The following PCCA variants were observed in gnomAD, a reference collection of about 807,000 sequenced individuals.
PCCA encodes the protein propionyl-CoA carboxylase alpha chain, mitochondrial.
A neutral mutation model predicts 101.3 loss-of-function variants in PCCA; 74 were observed. That is an observed-to-expected ratio of 0.73 (90% CI 0.61 to 0.89). The LOEUF is 0.89. Among genes scored for constraint, PCCA ranks in the 40% least tolerant of loss-of-function variants. The pLI, the probability that PCCA is intolerant of heterozygous loss-of-function variation, is 0.00. For synonymous variants in PCCA, 294 were observed against 313.6 expected, an observed-to-expected ratio of 0.94 and a Z score of 0.66; for missense variants, 891 against 907.0, an observed-to-expected ratio of 0.98 and a Z score of 0.23.
intron 21 of PCCA, among the ~76,000 whole-genome samples, chr13:100,451,753 T>G (rs1474888657): frequency 1.1e-5 from 1 of 88,230 alleles, no homozygotes; most frequent in Middle Eastern, 7.4e-3. Context: ...CTCCTTCCTC[T>G]CCCTCTCTGT....
chr13:100,312,061 G>A (rs2066960120), intron 16 of PCCA, among the ~76,000 whole-genome samples: 1 of 152,154 alleles, frequency 6.6e-6, no homozygotes, highest in Non-Finnish European at 1.5e-5. Context: ...TTGTTTGTAT[G>A]CATATTGCTG....
chr13:100,163,986 C>T (rs909688724), intron 6 of PCCA, among the ~76,000 whole-genome samples: 4 of 85,266 alleles, frequency 4.7e-5, no homozygotes, highest in South Asian at 5.9e-4. Context: ...AGAAATTTTG[C>T]GATCATATAG....
At chr13:100,125,010 A>C (rs1032430366) in intron 4 of PCCA, among the ~76,000 whole-genome samples, 1 of 152,134 alleles carries the variant, frequency 6.6e-6, no homozygotes, top group Admixed American at 6.6e-5. Context: ...ATTTCACAAA[A>C]ATTGTTAATG....
At chr13:100,165,159 C>T (rs2054897172) in intron 6 of PCCA, among the ~76,000 whole-genome samples, 1 of 152,002 alleles carries the variant, frequency 6.6e-6, no homozygotes, top group African/African-American at 2.4e-5. Context: ...TGTTTGGGTC[C>T]CTGCTTTTGC....
chr13:100,496,513 G>A (rs183426605), intron 21 of PCCA, among the ~76,000 whole-genome samples: 96 of 151,758 alleles, frequency 6.3e-4, no homozygotes, highest in Admixed American at 1.6e-3. Context: ...GTGCTGCTGC[G>A]TTGTCCTCGT....
At chr13:100,337,591 A>G (rs1025279350) in intron 17 of PCCA, among the ~76,000 whole-genome samples, 3 of 152,210 alleles carry the variant, frequency 2.0e-5, no homozygotes. Flanking sequence ...GAAGTGGAAT[A>G]TCAGTAAAAT....
At chr13:100,209,912 G>A (rs1185597213) in intron 7 of PCCA, among the ~76,000 whole-genome samples, 2 of 151,834 alleles carry the variant, frequency 1.3e-5, no homozygotes, top group Non-Finnish European at 2.9e-5. Context: ...GATTACAGGC[G>A]TGAGTCACTG....
chr13:100,144,455 A>G (rs2052289272), intron 4 of PCCA, among the ~76,000 whole-genome samples: 1 of 152,210 alleles, frequency 6.6e-6, no homozygotes, highest in Non-Finnish European at 1.5e-5. Flanking sequence ...TGGCTGTAGT[A>G]ATTTAGGACT....
rs61170443 is a variant in PCCA at position 100,177,149 on chromosome 13, A to G, written c.468+19809A>G. 4.0e-3 allele frequency among the ~76,000 whole-genome samples: 605 copies of G among 152,302 alleles called. 5 individuals carry two copies. The highest frequency in any genetic ancestry group is 0.014 in the African/African-American group (577 of 41,558). ...TTAATTGGTGTTTTATTTTCTTCCA[A>G]GTCAGTAAAAATTCAGTAAGACATG... On this transcript the variant is annotated intron_variant, in intron 6 of 23. Coordinates refer to ENST00000376285, the MANE Select transcript of PCCA (RefSeq NM_000282.4).
chr13:100,137,677 G>A (rs2051345406), intron 4 of PCCA, among the ~76,000 whole-genome samples: 1 of 151,824 alleles, frequency 6.6e-6, no homozygotes. Flanking sequence ...CTTGATGTTT[G>A]CATCGTATTT....
At position 100,376,309 on chromosome 13, in the gene PCCA, G is replaced by C. The variant is rs184846718; in HGVS notation, c.1746+7735G>C. On this transcript the variant is annotated intron_variant, in intron 19 of 23. Coordinates refer to ENST00000376285, the MANE Select transcript of PCCA (RefSeq NM_000282.4). Reference sequence around the variant, plus strand: ...AATCCCTGCGGGGGGGTGTCTCCCAGTCAGGAGGCATTGGGGTAAGGGACC... The same window carrying C: ...AATCCCTGCGGGGGGGTGTCTCCCACTCAGGAGGCATTGGGGTAAGGGACC... Among the ~76,000 whole-genome samples, 372 of 152,352 alleles carry C rather than the reference G, an allele frequency of 2.4e-3. 1 individual carries two copies. The highest frequency in any genetic ancestry group is 3.7e-3 in the Non-Finnish European group (251 of 68,038).
intron 19 of PCCA, among the ~76,000 whole-genome samples, chr13:100,420,632 A>G (rs890396824): frequency 1.3e-5 from 2 of 152,174 alleles, no homozygotes; most frequent in South Asian, 4.1e-4. Flanking sequence ...AGGGCTTTGT[A>G]ACCACAGAAT....
chr13:100,520,803 A>G (rs1594123845), intron 22 of PCCA, among the ~76,000 whole-genome samples: 1 of 152,112 alleles, frequency 6.6e-6, no homozygotes, highest in South Asian at 2.1e-4. Context: ...AAAAATATTT[A>G]TGTGGATCAG....
In PCCA at chr13:100,231,715, A is replaced by G. The variant is rs987768611; in HGVS notation, c.601-4127A>G. Among the ~76,000 whole-genome samples, 7 of 152,110 alleles carry G rather than the reference A, an allele frequency of 4.6e-5. No individual in the cohort carries two copies. In the East Asian group the frequency reaches 7.7e-4, roughly 17 times the overall value. On this transcript the variant is annotated intron_variant, in intron 7 of 23. Coordinates refer to ENST00000376285, the MANE Select transcript of PCCA (RefSeq NM_000282.4). ...AATTTCCCTTTTCCTACAACTTTTA[A>G]TCCTACCTTTTACATTTATTTATTT...
At chr13:100,439,637 A>G (rs2152914206) in intron 20 of PCCA, among the ~76,000 whole-genome samples, 1 of 151,930 alleles carries the variant, frequency 6.6e-6, no homozygotes, top group East Asian at 1.9e-4. Context: ...ACCGGGATTT[A>G]ATGTATTGTT....
intron 19 of PCCA, among the ~76,000 whole-genome samples, chr13:100,379,406 T>G (rs1220749970): frequency 6.6e-6 from 1 of 152,142 alleles, no homozygotes; most frequent in East Asian, 1.9e-4. Flanking sequence ...GTGAGTAAAT[T>G]TAACAAAAGA....
chr13:100,315,915 A>G (rs555544273), intron 16 of PCCA, among the ~76,000 whole-genome samples: 1 of 152,318 alleles, frequency 6.6e-6, no homozygotes, highest in East Asian at 1.9e-4. Context: ...TTAAACAAGG[A>G]TCTGTTCAAA....
chr13:100,470,257 G>GTT (rs55769546), intron 21 of PCCA, among the ~76,000 whole-genome samples: 5 of 152,080 alleles, frequency 3.3e-5, no homozygotes, highest in East Asian at 1.9e-4. Flanking sequence ...TGTGTTTTGG[G>GTT]TTTTTTTGGG....
intron 16 of PCCA, among the ~76,000 whole-genome samples, chr13:100,318,702 G>A (rs902186456): frequency 2.6e-5 from 4 of 152,066 alleles, no homozygotes; most frequent in Non-Finnish European, 5.9e-5. Context: ...TGGTGTATAT[G>A]TGCCACATTT....
Sources: allele counts gnomAD v4.1 joint callset (sites outside exome capture counted in the v4.1 genomes callset), GRCh38; gene constraint gnomAD v4.1.1; transcripts MANE v1.5; gene names NCBI Gene and HGNC (gene_info 2026-07-23, HGNC 2026-07-21).